The following FRG1 variants were observed in gnomAD, a reference collection of about 807,000 sequenced individuals.
FRG1 encodes protein FRG1.
A neutral mutation model predicts 37.0 loss-of-function variants in FRG1; 19 were observed. That is an observed-to-expected ratio of 0.51 (90% CI 0.36 to 0.75). The LOEUF (loss-of-function observed/expected upper bound fraction) is 0.75, where lower values mean the gene tolerates loss of function less well. FRG1 is among the 30% of genes least tolerant of loss of function. FRG1 has a pLI of 0.00. For synonymous variants in FRG1, 73 were observed against 96.5 expected, an observed-to-expected ratio of 0.76 and a Z score of 1.43; for missense variants, 243 against 301.4, an observed-to-expected ratio of 0.81 and a Z score of 1.44.
At chr4:189,941,785 G>GA (rs1350637933) in intron 1 of FRG1, 1 of 353,074 alleles carries the variant, frequency 2.8e-6, no homozygotes, top group Non-Finnish European at 5.6e-6. Flanking sequence ...AGCTTTTTAG[G>GA]AAAAAATACC....
chr4:189,955,393 T>C (rs1736941057), intron 5 of FRG1, among the ~76,000 whole-genome samples: 1 of 152,204 alleles, frequency 6.6e-6, no homozygotes, highest in Non-Finnish European at 1.5e-5. Context: ...ATGGATCTCA[T>C]TTCCATTGAA....
intron 1 of FRG1, 147 bp downstream of exon 1, chr4:189,941,218 C>G: frequency 1.4e-6 from 1 of 725,564 alleles, no homozygotes; most frequent in Non-Finnish European, 2.3e-6. Flanking sequence ...GGACGGAGGC[C>G]GGGCCGCGGT....
intron 6 of FRG1, among the ~76,000 whole-genome samples, chr4:189,958,229 C>G (rs1472293534): frequency 1.3e-5 from 2 of 151,998 alleles, no homozygotes; most frequent in Admixed American, 1.3e-4. Context: ...TGTTTCCAGT[C>G]TTTTGCTCTT....
At chr4:189,944,195 G>T (rs1170132248) in intron 2 of FRG1, among the ~76,000 whole-genome samples, 1 of 151,770 alleles carries the variant, frequency 6.6e-6, no homozygotes, top group Non-Finnish European at 1.5e-5. Flanking sequence ...GCTTTTTTTT[G>T]AGACAAATTC....
chr4:189,951,660 CTTGTT>C (rs1321671596), intron 2 of FRG1, among the ~76,000 whole-genome samples: 5 of 151,980 alleles, frequency 3.3e-5, no homozygotes, highest in South Asian at 2.1e-4. Context: ...CATGTTGCCT[CTTGTT>C]TTGTTTTGGT....
At chr4:189,953,645 G>A (rs928282437) in intron 4 of FRG1, among the ~76,000 whole-genome samples, 1 of 152,008 alleles carries the variant, frequency 6.6e-6, no homozygotes, top group African/African-American at 2.4e-5. Context: ...ACATATTTTA[G>A]TAATTGGTTA....
intron 2 of FRG1, among the ~76,000 whole-genome samples, chr4:189,946,783 T>C (rs560925912): frequency 2.6e-5 from 4 of 152,338 alleles, no homozygotes; most frequent in Admixed American, 2.0e-4. Flanking sequence ...GAACATACTT[T>C]CTTAGTGAAT....
At chr4:189,945,078 G>A (rs1736470119) in intron 2 of FRG1, among the ~76,000 whole-genome samples, 1 of 152,118 alleles carries the variant, frequency 6.6e-6, no homozygotes, top group African/African-American at 2.4e-5. Flanking sequence ...CCAGTTGTTT[G>A]CTGTCAGTAT....
At chr4:189,945,339 A>G (rs1479520033) in intron 2 of FRG1, among the ~76,000 whole-genome samples, 2 of 152,222 alleles carry the variant, frequency 1.3e-5, no homozygotes, top group Non-Finnish European at 2.9e-5. Flanking sequence ...TCTCAAGCTT[A>G]GGCAGAAAGC....
chr4:189,941,994 A>G lies in FRG1; in HGVS notation c.62+923A>G, dbSNP rs548836006. On this transcript the variant is annotated intron_variant, in intron 1 of 8. Coordinates refer to ENST00000226798, the MANE Select transcript of FRG1 (RefSeq NM_004477.3). ...AGTCTGGCCTCATGAAGATGCCAGA[A>G]TAAATGGCAGGTTTATCCTGAATGA... The G allele has an allele frequency of 5.8e-4, 140 of 242,412 alleles. 2 individuals carry two copies. In the Admixed American group the frequency reaches 7.7e-3, roughly 13 times the overall value. 15.0% of individuals were successfully genotyped at this position (242,412 alleles called of 1,614,324 possible). A position where few individuals can be genotyped will look rare whatever the true frequency, so the allele number is the denominator to read the frequency against.
At chr4:189,958,228 T>A (rs1737072369) in intron 6 of FRG1, among the ~76,000 whole-genome samples, 1 of 152,188 alleles carries the variant, frequency 6.6e-6, no homozygotes, top group Non-Finnish European at 1.5e-5. Context: ...CTGTTTCCAG[T>A]CTTTTGCTCT....
chr4:189,946,558 T>G (rs1352211806), intron 2 of FRG1, among the ~76,000 whole-genome samples: 2 of 152,186 alleles, frequency 1.3e-5, no homozygotes, highest in Non-Finnish European at 2.9e-5. Context: ...AGGAAGGGAG[T>G]TAGATCTCTT....
intron 2 of FRG1, among the ~76,000 whole-genome samples, chr4:189,949,578 A>T (rs535810828): frequency 6.6e-6 from 1 of 152,220 alleles, no homozygotes; most frequent in Admixed American, 6.5e-5. Context: ...TTAATGAGTT[A>T]TTATATTTAA....
rs765257194 is a variant in FRG1, at chr4:189,957,497, A to C, written c.532A>C (p.Ile178Leu). The C allele has an allele frequency of 5.0e-6, 8 of 1,612,262 alleles. No homozygotes were observed. The Admixed American group carries it at 8.3e-5, about 17-fold the overall frequency. The change falls in exon 6 of 9, where the codon ATC (isoleucine) becomes CTC (leucine). Residue 178 changes from isoleucine to leucine, a missense_variant. Physicochemically the swap from Ile to Leu is conservative, Grantham distance 5. Transcript: ENST00000226798. ...TAAAACAGCAGGAGAAGAAGAAATG[A>C]TCAAGGTAATGATGACATTTTATAC... is the stretch of plus-strand genomic sequence containing the variant. ...KSKTAGEEEMIKIRSCAERET... is the reference protein window; with the variant it reads ...KSKTAGEEEMLKIRSCAERET...
chr4:189,954,571 C>CAA (rs1200338087), intron 4 of FRG1, among the ~76,000 whole-genome samples: 1 of 149,936 alleles, frequency 6.7e-6, no homozygotes, highest in African/African-American at 2.5e-5. Context: ...AACATGGCAG[C>CAA]AACTAGTCAC....
Position 189,961,847 on chromosome 4 carries a change from C to T in FRG1, c.655C>T (p.His219Tyr). 1 of 1,575,116 alleles carries T rather than the reference C, an allele frequency of 6.3e-7. No individual in the cohort carries two copies. Among genetic ancestry groups the T allele is most frequent in the Non-Finnish European group, 8.6e-7 (1 of 1,157,938 alleles). ...AAAGAAATTTCAGAGCTTCCAAGAC[C>T]ACAAACTTAAAATAAGTAAAGAAGA... ...YVKKFQSFQD[H>Y]KLKISKEDSK... is the part of the protein sequence containing the mutation. The change falls in exon 8 of 9, where the codon CAC (histidine) becomes TAC (tyrosine). Residue 219 changes from histidine to tyrosine, a missense_variant. His to Tyr is a moderately conservative substitution (Grantham distance 83). Around this residue, in one of 2 missense-constraint regions of FRG1, gnomAD observed 133 missense variants for 199.3 expected, o/e 0.67. Transcript: ENST00000226798.
At chr4:189,962,791 AC>A in intron 8 of FRG1, among the ~76,000 whole-genome samples, 1 of 152,326 alleles carries the variant, frequency 6.6e-6, no homozygotes, top group Non-Finnish European at 1.5e-5. Context: ...TTGTAATAAT[AC>A]AGCATTCTCA....
At chr4:189,943,946 G>A (rs79948862) in intron 2 of FRG1, among the ~76,000 whole-genome samples, 1 of 152,038 alleles carries the variant, frequency 6.6e-6, no homozygotes, top group Non-Finnish European at 1.5e-5. Context: ...CTAAAATTAG[G>A]GTAAATATCT....
At chr4:189,944,771 C>T (rs566986765) in intron 2 of FRG1, among the ~76,000 whole-genome samples, 23 of 152,178 alleles carry the variant, frequency 1.5e-4, no homozygotes, top group Admixed American at 1.5e-3. Flanking sequence ...GTCTGTTTTT[C>T]TGTTGGTATA....
Sources: gnomAD v4.1 joint callset for allele counts (sites outside exome capture counted in the v4.1 genomes callset) on GRCh38, gnomAD v4.1.1 for gene constraint, gnomAD v4.1.1 regional missense constraint, MANE v1.5 for transcripts, NCBI Gene and HGNC (gene_info 2026-07-23, HGNC 2026-07-21) for gene names.